The following TCF4 variants were observed in gnomAD, a reference collection of about 807,000 sequenced individuals.
The protein encoded by TCF4 is SL3-3 enhancer factor 2.
In TCF4, 3 loss-of-function variants were observed where a neutral mutation model predicts 82.1. That is an observed-to-expected ratio of 0.04 (90% CI 0.02 to 0.09). The LOEUF is 0.09. Ranked by LOEUF, TCF4 falls within the 10% of genes least tolerant of loss-of-function variation. The pLI, the probability that TCF4 is intolerant of heterozygous loss-of-function variation, is 1.00. For missense variants in TCF4, 518 were observed against 852.7 expected (o/e 0.61, Z 4.89); for synonymous variants, 276 against 309.6 (o/e 0.89, Z 1.14).
chr18:55,585,421 T>C (rs1014032909), intron 2 of TCF4, 69 bp from the exon 3 acceptor site: 29 of 1,349,848 alleles, frequency 2.1e-5, no homozygotes, highest in Non-Finnish European at 3.1e-5. Flanking sequence ...CTCAAAGATC[T>C]TTCATACTGT....
intron 3 of TCF4, among the ~76,000 whole-genome samples, chr18:55,509,695 T>C (rs983755447): frequency 5.9e-5 from 9 of 152,150 alleles, no homozygotes; most frequent in Non-Finnish European, 1.3e-4. Context: ...AATAAGTTAA[T>C]ATCATTCCTC....
intron 16 of TCF4, among the ~76,000 whole-genome samples, chr18:55,233,821 A>G (rs1035845310): frequency 6.6e-6 from 1 of 151,446 alleles, no homozygotes; most frequent in Non-Finnish European, 1.5e-5. Context: ...TCTGTCAAAA[A>G]AAAAAAAAAA....
chr18:55,264,481 T>G (rs960045434), intron 11 of TCF4: 1 of 152,190 alleles, frequency 6.6e-6, no homozygotes, highest in Non-Finnish European at 1.5e-5. Context: ...CCTGAACATG[T>G]TAAGCTACAT....
chr18:55,478,213 T>C (rs141376919), intron 3 of TCF4, among the ~76,000 whole-genome samples: 33 of 152,300 alleles, frequency 2.2e-4, no homozygotes, highest in Middle Eastern at 3.4e-3. Flanking sequence ...ACAGCAAAGA[T>C]TGCAATGTTA....
rs2046153453 is a variant in TCF4, at chr18:55,223,584, A to C, written c.*4451T>G. 1 of 152,564 alleles carries C rather than the reference A, an allele frequency of 6.6e-6. No individual in the cohort carries two copies. Among genetic ancestry groups the C allele is most frequent in the Non-Finnish European group, 1.5e-5 (1 of 68,026 alleles). The allele number at this position is 152,564 out of a possible 1,614,324, so 9.5% of individuals were successfully genotyped here. The stretch of plus-strand genomic sequence containing the variant: ...TTGTCTTGAAGGAACTCCAGCACAC[A>C]ACCTGTTTGGACACTTCTACAAATC... On this transcript the variant is annotated 3_prime_UTR_variant, in exon 20 of 20. Transcript: ENST00000354452.
At chr18:55,458,263 C>A (rs971230837) in intron 5 of TCF4, among the ~76,000 whole-genome samples, 2 of 152,178 alleles carry the variant, frequency 1.3e-5, no homozygotes, top group African/African-American at 4.8e-5. Context: ...CAGAATTAAG[C>A]CTTTGAGACA....
intron 11 of TCF4, chr18:55,267,709 T>C (rs538729204): frequency 6.6e-6 from 1 of 152,300 alleles, no homozygotes; most frequent in Admixed American, 6.5e-5. Context: ...TCCTTAAAGA[T>C]TATGCATCTT....
intron 5 of TCF4, among the ~76,000 whole-genome samples, chr18:55,448,217 A>G (rs568265152): frequency 6.6e-6 from 1 of 152,340 alleles, no homozygotes; most frequent in East Asian, 1.9e-4. Flanking sequence ...TCCTCCTTTC[A>G]TCATAAAGGT....
At chr18:55,597,402 C>T (rs2097692148) in intron 2 of TCF4, among the ~76,000 whole-genome samples, 1 of 146,138 alleles carries the variant, frequency 6.8e-6, no homozygotes, top group South Asian at 2.1e-4. Context: ...TCCCTCTCCC[C>T]CAAAGAAAAG....
intron 3 of TCF4, among the ~76,000 whole-genome samples, chr18:55,576,103 G>C (rs964099731): frequency 3.9e-5 from 6 of 152,108 alleles, no homozygotes; most frequent in African/African-American, 1.4e-4. Context: ...CTCTTGAATT[G>C]TACTGGTGAG....
chr18:55,491,524 T>C (rs1016709033), intron 3 of TCF4, among the ~76,000 whole-genome samples: 2 of 152,230 alleles, frequency 1.3e-5, no homozygotes, highest in South Asian at 2.1e-4. Flanking sequence ...CCTTACCATC[T>C]TTCCTTCAAA....
At chr18:55,478,564 C>T (rs778430685) in intron 3 of TCF4, among the ~76,000 whole-genome samples, 1 of 151,988 alleles carries the variant, frequency 6.6e-6, no homozygotes, top group Non-Finnish European at 1.5e-5. Flanking sequence ...AAAGAAACCG[C>T]GAAATCTGCA....
chr18:55,622,167 A>ACC (rs1293615269), intron 2 of TCF4, among the ~76,000 whole-genome samples: 1 of 112,696 alleles, frequency 8.9e-6, no homozygotes, highest in African/African-American at 3.3e-5. Flanking sequence ...ACACACACAC[A>ACC]CACACGCACT....
In TCF4 at chr18:55,559,019, T is replaced by G. The variant is rs2097330974; in HGVS notation, c.145+26261A>C. 4.1e-5 allele frequency among the ~76,000 whole-genome samples: 6 copies of G among 147,482 alleles called. No homozygotes were observed. In the Admixed American group the frequency reaches 4.1e-4, roughly 10 times the overall value. On this transcript the variant is annotated intron_variant, in intron 3 of 19. Transcript: ENST00000354452. The stretch of plus-strand genomic sequence containing the variant: ...CAGATTTCTGGATAAATAAAAAGTA[T>G]GGTTTGTATATATCTCCCCCCTAAA...
At chr18:55,515,985 C>G (rs919933380) in intron 3 of TCF4, among the ~76,000 whole-genome samples, 3 of 152,120 alleles carry the variant, frequency 2.0e-5, no homozygotes, top group African/African-American at 7.2e-5. Context: ...AAGGTAACAG[C>G]TATTGAGACT....
chr18:55,403,503 C>T lies in TCF4; in HGVS notation c.320G>A (p.Gly107Asp), dbSNP rs749677962. The change falls in exon 6 of 20, where the codon GGC becomes GAC. Residue 107 changes from glycine (G) to aspartate (D), a missense_variant. By Grantham distance (94) the Gly-to-Asp change is moderately conservative. Transcript: ENST00000354452. Reference sequence around the variant, plus strand: ...TTCTCTCCCATAAGATGAGTATGAGCCCCTTTCTGTTTTACCTGCCAAGAG... The same window carrying T: ...TTCTCTCCCATAAGATGAGTATGAGTCCCTTTCTGTTTTACCTGCCAAGAG... ...NSRIQSKTER[G>D]SYSSYGRESN... 1.1e-5 allele frequency: 17 copies of T among 1,613,746 alleles called. No homozygotes were observed. The highest frequency in any genetic ancestry group is 1.4e-5 in the Non-Finnish European group (16 of 1,179,792).
At chr18:55,360,350 A>G (rs2084773724) in intron 6 of TCF4, among the ~76,000 whole-genome samples, 1 of 152,156 alleles carries the variant, frequency 6.6e-6, no homozygotes, top group South Asian at 2.1e-4. Flanking sequence ...CAAGACAACA[A>G]CTTAAGAATT....
chr18:55,588,239 C>CGGGGA, upstream of TCF4: 1 of 1,115,764 alleles, frequency 9.0e-7, no homozygotes, highest in Non-Finnish European at 1.2e-6. Context: ...CTCTCTTCTC[C>CGGGGA]GGGGAGGGGA....
At chr18:55,370,505 T>C (rs567946625) in intron 6 of TCF4, among the ~76,000 whole-genome samples, 9 of 152,058 alleles carry the variant, frequency 5.9e-5, no homozygotes, top group African/African-American at 2.2e-4. Context: ...AGATGTAACA[T>C]AGAAACACTC....
Sources: gnomAD v4.1 joint callset for allele counts (sites outside exome capture counted in the v4.1 genomes callset) on GRCh38, gnomAD v4.1.1 for gene constraint, MANE v1.5 for transcripts, NCBI Gene and HGNC (gene_info 2026-07-23, HGNC 2026-07-21) for gene names.